DTNA: variants seen among roughly 807,000 people sequenced by gnomAD.
DTNA encodes dystrobrevin alpha, also known as dystrophin-related protein 3.
A neutral mutation model predicts 100.7 loss-of-function variants in DTNA; 43 were observed. The observed-to-expected ratio is 0.43, with a 90% CI of 0.33 to 0.55. DTNA has a LOEUF of 0.55. Among genes scored for constraint, DTNA ranks in the 20% least tolerant of loss-of-function variants. The probability of loss-of-function intolerance (pLI) is 0.04; values close to 1 mark genes in which losing one functional copy is unlikely to be tolerated. For missense variants in DTNA, 798 were observed against 953.9 expected (o/e 0.84, Z 2.15); for synonymous variants, 349 against 347.9 (o/e 1.00, Z -0.04).
At chr18:34,655,621 A>G (rs2074264177) in intron 1 of DTNA, among the ~76,000 whole-genome samples, 1 of 152,234 alleles carries the variant, frequency 6.6e-6, no homozygotes, top group Admixed American at 6.5e-5. Flanking sequence ...ATTAATTTCT[A>G]AAAATATCCA....
intron 1 of DTNA, among the ~76,000 whole-genome samples, chr18:34,683,942 T>G (rs1376146149): frequency 6.6e-6 from 1 of 152,124 alleles, no homozygotes; most frequent in Non-Finnish European, 1.5e-5. Flanking sequence ...CCTGAAACAA[T>G]GGTACAAACA....
At chr18:34,832,782 G>T (rs970526813) in intron 11 of DTNA, among the ~76,000 whole-genome samples, 6 of 151,994 alleles carry the variant, frequency 3.9e-5, no homozygotes, top group African/African-American at 1.4e-4. Context: ...TAGAAAAAAA[G>T]AAACAATGTT....
intron 17 of DTNA, chr18:34,866,319 A>G (rs1484133909): frequency 3.0e-5 from 44 of 1,468,578 alleles, no homozygotes; most frequent in Non-Finnish European, 3.9e-5. Context: ...ATTTTTTATA[A>G]CTATCACTAC....
intron 15 of DTNA, among the ~76,000 whole-genome samples, chr18:34,857,390 T>G (rs1342917650): frequency 6.6e-6 from 1 of 152,228 alleles, no homozygotes; most frequent in Non-Finnish European, 1.5e-5. Flanking sequence ...TCTTACTGGC[T>G]TCTATGCATT....
chr18:34,775,301 A>C (rs1385817005), intron 3 of DTNA, among the ~76,000 whole-genome samples: 2 of 152,140 alleles, frequency 1.3e-5, no homozygotes, highest in Non-Finnish European at 2.9e-5. Context: ...CCTGGTGAAC[A>C]CTGGGAAACC....
chr18:34,795,725 A>G (rs2094940080), intron 4 of DTNA, among the ~76,000 whole-genome samples: 1 of 152,238 alleles, frequency 6.6e-6, no homozygotes, highest in South Asian at 2.1e-4. Context: ...GAGTACTGCT[A>G]GAGAACTCAT....
At chr18:34,705,082 C>G (rs1156382059) in intron 1 of DTNA, among the ~76,000 whole-genome samples, 1 of 152,148 alleles carries the variant, frequency 6.6e-6, no homozygotes, top group Non-Finnish European at 1.5e-5. Flanking sequence ...CATAAAAGAA[C>G]TCAGAGGCCA....
intron 1 of DTNA, among the ~76,000 whole-genome samples, chr18:34,754,269 A>G (rs758073544): frequency 2.0e-5 from 3 of 152,088 alleles, no homozygotes; most frequent in Non-Finnish European, 4.4e-5. Context: ...GTCATTTTGT[A>G]CACAGCTCAT....
intron 3 of DTNA, among the ~76,000 whole-genome samples, chr18:34,792,922 TCATAAACAAAAACTGAAAAA>T (rs1339028790): frequency 6.6e-6 from 1 of 152,154 alleles, no homozygotes; most frequent in Non-Finnish European, 1.5e-5. Context: ...GCAATTTTAT[TCATAAACAAAAACTGAAAAA>T]CAACCCAAAT....
At position 34,890,064 on chromosome 18, in the gene DTNA, C is replaced by G; in HGVS notation, c.*2330C>G. ...GAACTTAAATCCTGCACGTGGCACTCCACCACTGACTGGACCGAGCTGGCA... is the reference window on the plus strand; with the variant it reads ...GAACTTAAATCCTGCACGTGGCACTGCACCACTGACTGGACCGAGCTGGCA... On this transcript the variant is annotated 3_prime_UTR_variant, in exon 23 of 23. Coordinates refer to ENST00000444659, the MANE Select transcript of DTNA (RefSeq NM_001386795.1). The G allele has an allele frequency of 1.5e-6, 2 of 1,352,894 alleles. No individual in the cohort carries two copies. Among genetic ancestry groups the G allele is most frequent in the Non-Finnish European group, 1.9e-6 (2 of 1,054,518 alleles). The allele number at this position is 1,352,894 out of a possible 1,614,324, so 83.8% of individuals were successfully genotyped here.
chr18:34,779,272 G>A (rs2094208125), intron 3 of DTNA, among the ~76,000 whole-genome samples: 1 of 152,126 alleles, frequency 6.6e-6, no homozygotes, highest in Non-Finnish European at 1.5e-5. Context: ...CACACAGAAT[G>A]CATTTGACCC....
chr18:34,620,294 A>C (rs1599152761), intron 1 of DTNA, among the ~76,000 whole-genome samples: 1 of 152,376 alleles, frequency 6.6e-6, no homozygotes, highest in East Asian at 1.9e-4. Flanking sequence ...GGGGAACCCA[A>C]ATTGAAGAAC....
chr18:34,838,274 C>G, intron 12 of DTNA, 103 bp downstream of exon 12: 1 of 1,268,312 alleles, frequency 7.9e-7, no homozygotes. Flanking sequence ...GTCTTTGATT[C>G]AGTAAAAGCA....
chr18:34,864,609 ACTT>A (rs1430194788), intron 17 of DTNA, among the ~76,000 whole-genome samples: 3 of 152,218 alleles, frequency 2.0e-5, no homozygotes, highest in African/African-American at 4.8e-5. Flanking sequence ...TCATGGGGCA[ACTT>A]CTTCTTGGCT....
chr18:34,706,264 T>G (rs2082109146), upstream of DTNA, among the ~76,000 whole-genome samples: 1 of 152,218 alleles, frequency 6.6e-6, no homozygotes. Context: ...TTTTAATGTA[T>G]GAAGAAATAC....
chr18:34,731,983 T>C (rs1373929750), intron 1 of DTNA, among the ~76,000 whole-genome samples: 5 of 152,212 alleles, frequency 3.3e-5, no homozygotes, highest in Non-Finnish European at 7.3e-5. Context: ...ACTCCATTTC[T>C]TTATTCACTC....
chr18:34,700,891 T>C (rs909886977), intron 1 of DTNA, among the ~76,000 whole-genome samples: 1 of 152,210 alleles, frequency 6.6e-6, no homozygotes, highest in African/African-American at 2.4e-5. Context: ...TCCTTAGGTT[T>C]CCAAACATGC....
At chr18:34,748,198 G>A (rs145347513) in intron 1 of DTNA, among the ~76,000 whole-genome samples, 121 of 150,794 alleles carry the variant, frequency 8.0e-4, no homozygotes, top group Admixed American at 1.7e-3. Flanking sequence ...TTGTAGATTC[G>A]GGATATTAAT....
Position 34,858,325 on chromosome 18 carries a change from G to GAACAAGCTTCTCAGCCCACGC in DTNA, c.1574_1594dup (p.Thr531_Pro532insGlnGlnAlaSerGlnProThr). ...GATCCAGAGACTTCGGCTAGAGCAT[G>GAACAAGCTTCTCAGCCCACGC]AACAAGCTTCTCAGCCCACGCCAGA... On this transcript the variant is annotated inframe_insertion, in exon 16 of 23. Coordinates refer to ENST00000444659, the MANE Select transcript of DTNA (RefSeq NM_001386795.1). 2.5e-6 allele frequency: 4 copies of GAACAAGCTTCTCAGCCCACGC among 1,614,154 alleles called. No individual in the cohort carries two copies. The highest frequency in any genetic ancestry group is 3.4e-6 in the Non-Finnish European group (4 of 1,180,036).
Sources: gnomAD v4.1 joint callset for allele counts (sites outside exome capture counted in the v4.1 genomes callset) on GRCh38, gnomAD v4.1.1 for gene constraint, MANE v1.5 for transcripts, NCBI Gene and HGNC (gene_info 2026-07-23, HGNC 2026-07-21) for gene names.